Variants in ST3GAL3 observed in about 807,000 individuals in gnomAD.
ST3GAL3 encodes CMP-N-acetylneuraminate-beta-1,4-galactoside alpha-2,3-sialyltransferase.
ST3GAL3 carries 21 observed loss-of-function variants against 50.1 expected under a neutral mutation model. That is an observed-to-expected ratio of 0.42 (90% CI 0.30 to 0.60). ST3GAL3 has a LOEUF of 0.60. ST3GAL3 is among the 20% of genes least tolerant of loss of function. The pLI is 0.19. For missense variants in ST3GAL3, 353 were observed against 489.4 expected, an observed-to-expected ratio of 0.72 and a Z score of 2.63; for synonymous variants, 183 against 190.0, an observed-to-expected ratio of 0.96 and a Z score of 0.30.
At chr1:43,725,800 C>T (rs1281686710) in intron 1 of ST3GAL3, among the ~76,000 whole-genome samples, 2 of 152,114 alleles carry the variant, frequency 1.3e-5, no homozygotes, top group Non-Finnish European at 2.9e-5. Flanking sequence ...GCACGCACCA[C>T]CGTGCCTAGC....
chr1:43,772,030 CT>C (rs11320873), intron 2 of ST3GAL3: 204,636 of 376,146 alleles, frequency 0.54, 31,406 homozygotes, highest in African/African-American at 0.63. Flanking sequence ...CAGAGGTGGT[CT>C]TTTTTTTTTT....
chr1:43,864,131 C>T (rs2906464), intron 5 of ST3GAL3, among the ~76,000 whole-genome samples: 137,792 of 152,030 alleles, frequency 0.91, 62,667 homozygotes, highest in African/African-American at 0.97. Context: ...ATACAGAAAT[C>T]AGCCGGGCAT....
chr1:43,850,716 A>G (rs2067128390), intron 5 of ST3GAL3: 1 of 740,334 alleles, frequency 1.4e-6, no homozygotes, highest in South Asian at 1.4e-5. Context: ...TTGGTAGCCC[A>G]GCTCCGTCAG....
At chr1:43,834,168 A>C (rs1573901038) in intron 4 of ST3GAL3, among the ~76,000 whole-genome samples, 1 of 152,154 alleles carries the variant, frequency 6.6e-6, no homozygotes, top group Admixed American at 6.5e-5. Flanking sequence ...CTCAGAAAAC[A>C]AACACAACAA....
At chr1:43,727,784 AT>A (rs923351774) in intron 1 of ST3GAL3, among the ~76,000 whole-genome samples, 11 of 151,630 alleles carry the variant, frequency 7.3e-5, no homozygotes, top group African/African-American at 2.7e-4. Context: ...TGTCTCAAAA[AT>A]TTTTTTTTTC....
chr1:43,902,538 C>G (rs912384850), intron 9 of ST3GAL3, among the ~76,000 whole-genome samples: 1 of 152,200 alleles, frequency 6.6e-6, no homozygotes, highest in African/African-American at 2.4e-5. Flanking sequence ...GTCCCTGACT[C>G]ACTGGACAGT....
chr1:43,859,870 A>G (rs1261159700), intron 5 of ST3GAL3, among the ~76,000 whole-genome samples: 2 of 152,150 alleles, frequency 1.3e-5, no homozygotes, highest in Non-Finnish European at 2.9e-5. Flanking sequence ...TCTCCACCAC[A>G]TTCCCCGTCT....
intron 2 of ST3GAL3, among the ~76,000 whole-genome samples, chr1:43,774,417 T>C (rs1696423479): frequency 6.6e-6 from 1 of 152,200 alleles, no homozygotes; most frequent in Non-Finnish European, 1.5e-5. Flanking sequence ...CTTGCTGCCT[T>C]TCAGGTGTTG....
At position 43,899,166 on chromosome 1, in the gene ST3GAL3, AGCCTCCGCT is replaced by A; in HGVS notation, c.464_472del (p.Leu155_Cys157del). 1 of 1,614,050 alleles carries A rather than the reference AGCCTCCGCT, an allele frequency of 6.2e-7. No homozygotes were observed. The highest frequency in any genetic ancestry group is 2.2e-5 in the East Asian group (1 of 44,872). On this transcript the variant is annotated splice_acceptor_variant and coding_sequence_variant, in exon 8 of 12. Transcript: ENST00000347631. LOFTEE classifies it high-confidence loss of function. The surrounding 1 kb of genome is among the most constrained non-coding windows in gnomAD (Gnocchi z 5.4). ...CAGAGGTCTCCGCCTCTCTCCCCTCAGCCTCCGCTGCCGCCGCTGCATCATCGTGGGCAA... is the reference window on the plus strand; with the variant it reads ...CAGAGGTCTCCGCCTCTCTCCCCTCAGCCGCCGCTGCATCATCGTGGGCAA...
At position 43,874,171 on chromosome 1, in the gene ST3GAL3, A is replaced by G. The variant is rs141126627; in HGVS notation, c.303-20212A>G. On this transcript the variant is annotated intron_variant, in intron 5 of 11. Coordinates refer to ENST00000347631, the MANE Select transcript of ST3GAL3 (RefSeq NM_006279.5). ...AGGGCACTTTTGAGAGTGAAAATGG[A>G]CAAGATTAATTACTCCAGGATAAGA... 1.9e-3 allele frequency among the ~76,000 whole-genome samples: 295 copies of G among 152,346 alleles called. 2 individuals are homozygous for G. Among genetic ancestry groups the G allele is most frequent in the African/African-American group, 6.8e-3 (283 of 41,580 alleles).
intron 3 of ST3GAL3, among the ~76,000 whole-genome samples, chr1:43,799,103 A>G (rs916045798): frequency 5.3e-5 from 8 of 152,248 alleles, no homozygotes; most frequent in African/African-American, 1.9e-4. Flanking sequence ...AAAATTATGT[A>G]TGTACGTTCA....
intron 2 of ST3GAL3, among the ~76,000 whole-genome samples, chr1:43,785,744 C>A (rs529510870): frequency 5.9e-5 from 9 of 152,280 alleles, no homozygotes; most frequent in African/African-American, 2.2e-4. Flanking sequence ...AATCCCCCAA[C>A]TGTCTGTACT....
chr1:43,910,391 T>C (rs1433797515), intron 9 of ST3GAL3, among the ~76,000 whole-genome samples: 2 of 152,222 alleles, frequency 1.3e-5, no homozygotes, highest in African/African-American at 4.8e-5. Context: ...ACAATTCACA[T>C]CTTTGAGTTT....
At chr1:43,870,899 A>G (rs918783777) in intron 5 of ST3GAL3, among the ~76,000 whole-genome samples, 4 of 152,162 alleles carry the variant, frequency 2.6e-5, no homozygotes, top group African/African-American at 9.7e-5. Flanking sequence ...GTGGGCCAGG[A>G]GTCTGTGGCA....
chr1:43,851,629 G>A, intron 5 of ST3GAL3: 3 of 1,281,286 alleles, frequency 2.3e-6, no homozygotes, highest in Middle Eastern at 1.9e-4. Context: ...CCTTAATGAT[G>A]TTGTAAACCT....
chr1:43,782,166 A>G (rs1699580995), intron 2 of ST3GAL3, among the ~76,000 whole-genome samples: 1 of 151,994 alleles, frequency 6.6e-6, no homozygotes, highest in African/African-American at 2.4e-5. Flanking sequence ...ATTTAACATT[A>G]TTGCTTCCCA....
At chr1:43,760,537 C>T (rs770506229) in intron 2 of ST3GAL3, among the ~76,000 whole-genome samples, 2 of 152,160 alleles carry the variant, frequency 1.3e-5, no homozygotes, top group Non-Finnish European at 2.9e-5. Context: ...AGGTGGATCA[C>T]GAAGTCAGGA....
rs112490000 is a variant in ST3GAL3 at position 43,779,762 on chromosome 1, G to A, written c.119-12340G>A. On this transcript the variant is annotated intron_variant, in intron 2 of 11. Coordinates refer to ENST00000347631, the MANE Select transcript of ST3GAL3 (RefSeq NM_006279.5). Reference sequence around the variant, plus strand: ...ACTATTCATAGATACCATGATTACTGGTTTTTCATTGTATGTTTTGTTTTT... The same window carrying A: ...ACTATTCATAGATACCATGATTACTAGTTTTTCATTGTATGTTTTGTTTTT... 1.0e-3 allele frequency among the ~76,000 whole-genome samples: 153 copies of A among 152,238 alleles called. 4 individuals are homozygous for A. The Middle Eastern group carries it at 0.014, about 14-fold the overall frequency.
chr1:43,874,272 A>T (rs150907368), intron 5 of ST3GAL3, among the ~76,000 whole-genome samples: 10 of 152,344 alleles, frequency 6.6e-5, no homozygotes, highest in Non-Finnish European at 1.3e-4. Context: ...AGAATTGACC[A>T]TTGGATTTAG....
Sources: gnomAD v4.1 joint callset for allele counts (sites outside exome capture counted in the v4.1 genomes callset) on GRCh38, gnomAD v4.1.1 for gene constraint, Gnocchi (gnomAD v3.1) non-coding constraint, MANE v1.5 for transcripts, NCBI Gene and HGNC (gene_info 2026-07-23, HGNC 2026-07-21) for gene names.